The following ZNF804A variants were observed in gnomAD, a reference collection of about 807,000 sequenced individuals.
ZNF804A encodes the protein zinc finger protein 804A.
Under a neutral mutation model 16.5 loss-of-function variants are expected in ZNF804A, and 2 were observed. The ratio of observed to expected loss-of-function variants is 0.12; its 90% CI spans 0.05 to 0.38. The LOEUF (loss-of-function observed/expected upper bound fraction) is 0.38. Ranked by LOEUF, ZNF804A falls within the 10% of genes least tolerant of loss-of-function variation. ZNF804A has a pLI of 0.99. For synonymous variants in ZNF804A, 534 were observed against 489.6 expected (o/e 1.09, Z -1.20); for missense variants, 1,473 against 1,390.7 (o/e 1.06, Z -0.94).
At chr2:184,600,240 T>A (rs947188404) in intron 1 of ZNF804A, among the ~76,000 whole-genome samples, 11 of 152,208 alleles carry the variant, frequency 7.2e-5, no homozygotes, top group African/African-American at 2.4e-4. Flanking sequence ...CTGTGATGTG[T>A]GTTTTCCAAG....
intron 2 of ZNF804A, among the ~76,000 whole-genome samples, chr2:184,901,313 A>G (rs1685178626): frequency 6.6e-6 from 1 of 152,166 alleles, no homozygotes; most frequent in Admixed American, 6.6e-5. Context: ...TCAGATCATA[A>G]TGCAGGTCTG....
At chr2:184,932,919 A>G (rs1304090116) in intron 2 of ZNF804A, among the ~76,000 whole-genome samples, 1 of 152,172 alleles carries the variant, frequency 6.6e-6, no homozygotes, top group Non-Finnish European at 1.5e-5. Flanking sequence ...GAATTTCTAG[A>G]AAAACAATAC....
chr2:184,746,377 C>T (rs1246130046), intron 1 of ZNF804A, among the ~76,000 whole-genome samples: 1 of 151,260 alleles, frequency 6.6e-6, no homozygotes, highest in African/African-American at 2.4e-5. Context: ...TATTCGCTAC[C>T]ACTATGAGAT....
intron 1 of ZNF804A, among the ~76,000 whole-genome samples, chr2:184,841,939 T>A (rs1695442323): frequency 6.6e-6 from 1 of 152,112 alleles, no homozygotes; most frequent in Admixed American, 6.6e-5. Flanking sequence ...CCCCTTCGTG[T>A]CTTGTTTTTA....
chr2:184,919,467 G>T lies in ZNF804A; in HGVS notation c.256-14136G>T, dbSNP rs376170564. ...TGGCCTCTTTGTTCATGAGTTCATTGGGCAGTGACACAGGCAGCCGGGGAA... is the reference window on the plus strand; with the variant it reads ...TGGCCTCTTTGTTCATGAGTTCATTTGGCAGTGACACAGGCAGCCGGGGAA... On this transcript the variant is annotated intron_variant, in intron 2 of 3. Transcript: ENST00000302277. Among the ~76,000 whole-genome samples, 6 of 152,220 alleles carry T rather than the reference G, an allele frequency of 3.9e-5. No individual in the cohort carries two copies. In the South Asian group the frequency reaches 1.2e-3, roughly 32 times the overall value.
At chr2:184,625,930 A>G (rs967058995) in intron 1 of ZNF804A, among the ~76,000 whole-genome samples, 23 of 152,226 alleles carry the variant, frequency 1.5e-4, no homozygotes, top group Admixed American at 3.9e-4. Flanking sequence ...GTGCAGTGGC[A>G]TGATCTCTGC....
intron 1 of ZNF804A, among the ~76,000 whole-genome samples, chr2:184,746,262 A>T (rs867476623): frequency 2.6e-5 from 4 of 151,526 alleles, no homozygotes; most frequent in Admixed American, 1.3e-4. Flanking sequence ...CCCTATTGTG[A>T]TACGAAGCAC....
At chr2:184,879,581 A>G (rs1574253624) in intron 2 of ZNF804A, among the ~76,000 whole-genome samples, 1 of 152,062 alleles carries the variant, frequency 6.6e-6, no homozygotes, top group Non-Finnish European at 1.5e-5. Flanking sequence ...CACATTGTTC[A>G]TACTTTTTAG....
At chr2:184,671,361 G>A (rs1037245460) in intron 1 of ZNF804A, among the ~76,000 whole-genome samples, 1 of 152,150 alleles carries the variant, frequency 6.6e-6, no homozygotes, top group Admixed American at 6.5e-5. Context: ...CTCTAGCCAG[G>A]GACCAGTGGG....
chr2:184,669,790 T>C lies in ZNF804A; in HGVS notation c.111+70720T>C, dbSNP rs558137848. On this transcript the variant is annotated intron_variant, in intron 1 of 3. Coordinates refer to ENST00000302277, the MANE Select transcript of ZNF804A (RefSeq NM_194250.2). Reference sequence around the variant, plus strand: ...CACACACACACACACACTCAGAATATTTTTTTTCTCTAAATTAGTTTCAGC... The same window carrying C: ...CACACACACACACACACTCAGAATACTTTTTTTCTCTAAATTAGTTTCAGC... 6.0e-5 allele frequency among the ~76,000 whole-genome samples: 9 copies of C among 150,708 alleles called. No homozygotes were observed. The South Asian group carries it at 1.0e-3, about 17-fold the overall frequency.
At chr2:184,674,773 T>C (rs1241354450) in intron 1 of ZNF804A, among the ~76,000 whole-genome samples, 2 of 107,958 alleles carry the variant, frequency 1.9e-5, no homozygotes, top group Non-Finnish European at 2.1e-5. Context: ...TAAAGAAAAA[T>C]TATTTTAAAA....
At chr2:184,809,594 C>A (rs1217708011) in intron 1 of ZNF804A, among the ~76,000 whole-genome samples, 1 of 151,686 alleles carries the variant, frequency 6.6e-6, no homozygotes, top group Admixed American at 6.6e-5. Context: ...CAATATTTTA[C>A]TTATAAATAT....
intron 1 of ZNF804A, among the ~76,000 whole-genome samples, chr2:184,708,978 CT>C (rs1253040022): frequency 6.6e-6 from 1 of 152,100 alleles, no homozygotes; most frequent in Non-Finnish European, 1.5e-5. Flanking sequence ...CTGCTCTGTT[CT>C]TGTCATTCAG....
rs140901962 is a variant in ZNF804A at position 184,722,762 on chromosome 2, T to G, written c.111+123692T>G. 1.2e-4 allele frequency among the ~76,000 whole-genome samples: 19 copies of G among 152,130 alleles called. No homozygotes were observed. In the East Asian group the frequency reaches 3.5e-3, roughly 28 times the overall value. ...AAATGTCATTTATCTTTTCTAGATG[T>G]GATCGCTAATTTAACCTTGAAATGC... is the stretch of plus-strand genomic sequence containing the variant. On this transcript the variant is annotated intron_variant, in intron 1 of 3. Transcript: ENST00000302277.
intron 1 of ZNF804A, among the ~76,000 whole-genome samples, chr2:184,799,076 T>C (rs766704811): frequency 6.6e-6 from 1 of 152,142 alleles, no homozygotes. Flanking sequence ...ATATGAATCG[T>C]CTGTAGGTCT....
chr2:184,697,545 T>G (rs1244402086), intron 1 of ZNF804A, among the ~76,000 whole-genome samples: 4 of 152,074 alleles, frequency 2.6e-5, no homozygotes, highest in African/African-American at 9.7e-5. Flanking sequence ...AATAATATAT[T>G]AAATCATCCA....
At position 184,857,020 on chromosome 2, in the gene ZNF804A, G is replaced by A. The variant is rs1431965434; in HGVS notation, c.112-9349G>A. Among the ~76,000 whole-genome samples the A allele has an allele frequency of 2.0e-5, 3 of 151,826 alleles. No individual in the cohort carries two copies. The South Asian group carries it at 6.2e-4, about 31-fold the overall frequency. On this transcript the variant is annotated intron_variant, in intron 1 of 3. Coordinates refer to ENST00000302277, the MANE Select transcript of ZNF804A (RefSeq NM_194250.2). ...CTATTTCGTTCCTTCTGCTAACTTTGAGCTTGATCTTCTTTTTCTAGTTCT... is the reference window on the plus strand; with the variant it reads ...CTATTTCGTTCCTTCTGCTAACTTTAAGCTTGATCTTCTTTTTCTAGTTCT...
chr2:184,653,837 T>G (rs537477500), intron 1 of ZNF804A, among the ~76,000 whole-genome samples: 1 of 152,298 alleles, frequency 6.6e-6, no homozygotes, highest in East Asian at 1.9e-4. Flanking sequence ...GCCCCAGTCC[T>G]GAGATATTAT....
intron 2 of ZNF804A, among the ~76,000 whole-genome samples, chr2:184,875,889 T>A (rs551323660): frequency 6.6e-6 from 1 of 152,184 alleles, no homozygotes; most frequent in South Asian, 2.1e-4. Context: ...TGGCAGCCTA[T>A]GGGCAATTCA....
Sources: allele counts gnomAD v4.1 joint callset (sites outside exome capture counted in the v4.1 genomes callset), GRCh38; gene constraint gnomAD v4.1.1; transcripts MANE v1.5; gene names NCBI Gene and HGNC (gene_info 2026-07-23, HGNC 2026-07-21).